Variants in CSMD1 observed in about 807,000 individuals in gnomAD.
CSMD1 encodes the protein CUB and Sushi multiple domains 1.
CSMD1 carries 213 observed loss-of-function variants against 417.5 expected under a neutral mutation model. The ratio of observed to expected loss-of-function variants is 0.51; its 90% CI spans 0.46 to 0.57. CSMD1 has a LOEUF of 0.57. Ranked by LOEUF, CSMD1 falls within the 20% of genes least tolerant of loss-of-function variation. CSMD1 has a pLI of 0.00. For missense variants in CSMD1, 6,923 were observed against 4,529.7 expected, an observed-to-expected ratio of 1.53 and a Z score of -15.17; for synonymous variants, 2,862 against 1,736.8, an observed-to-expected ratio of 1.65 and a Z score of -16.11.
intron 1 of CSMD1, among the ~76,000 whole-genome samples, chr8:4,900,828 C>T (rs559912863): frequency 1.2e-4 from 19 of 152,222 alleles, no homozygotes; most frequent in South Asian, 4.1e-4. Flanking sequence ...TGAATTCTCA[C>T]GGCTCTAATT....
intron 1 of CSMD1, among the ~76,000 whole-genome samples, chr8:4,696,217 C>A (rs1050286933): frequency 6.6e-6 from 1 of 152,152 alleles, no homozygotes; most frequent in African/African-American, 2.4e-5. Context: ...TATTTTCAGT[C>A]TATGGACATG....
At chr8:4,205,263 C>A (rs1799909513) in intron 3 of CSMD1, among the ~76,000 whole-genome samples, 1 of 152,136 alleles carries the variant, frequency 6.6e-6, no homozygotes, top group Non-Finnish European at 1.5e-5. Flanking sequence ...CATATTTTTG[C>A]TGCTCATATA....
At chr8:4,944,066 T>A (rs567273191) in intron 1 of CSMD1, among the ~76,000 whole-genome samples, 8 of 152,278 alleles carry the variant, frequency 5.3e-5, no homozygotes, top group African/African-American at 1.7e-4. Flanking sequence ...AGGAAGATGT[T>A]TGATAGACAG....
intron 2 of CSMD1, among the ~76,000 whole-genome samples, chr8:4,429,376 C>A (rs367655643): frequency 6.6e-6 from 1 of 152,110 alleles, no homozygotes. Context: ...TACACACACA[C>A]ATCTACATAT....
At chr8:4,549,248 G>C (rs1797760604) in intron 2 of CSMD1, among the ~76,000 whole-genome samples, 1 of 152,066 alleles carries the variant, frequency 6.6e-6, no homozygotes, top group Non-Finnish European at 1.5e-5. Flanking sequence ...CCATATTCCA[G>C]AATGCCAAAG....
intron 11 of CSMD1, among the ~76,000 whole-genome samples, chr8:3,483,050 G>C (rs369226389): frequency 6.6e-6 from 1 of 152,024 alleles, no homozygotes; most frequent in African/African-American, 2.4e-5. Context: ...AATTACTTAA[G>C]TTCCTACCTC....
At chr8:3,437,555 A>G (rs946799418) in intron 12 of CSMD1, among the ~76,000 whole-genome samples, 1 of 152,202 alleles carries the variant, frequency 6.6e-6, no homozygotes, top group African/African-American at 2.4e-5. Context: ...GTATCCAGGG[A>G]AAAACTGGAC....
intron 1 of CSMD1, among the ~76,000 whole-genome samples, chr8:4,947,618 T>C (rs992334838): frequency 6.6e-6 from 1 of 152,124 alleles, no homozygotes; most frequent in East Asian, 1.9e-4. Context: ...ACTTACGGCA[T>C]TCTTCTTCCT....
intron 3 of CSMD1, among the ~76,000 whole-genome samples, chr8:4,340,177 T>A (rs1800394953): frequency 6.6e-6 from 1 of 152,138 alleles, no homozygotes; most frequent in African/African-American, 2.4e-5. Context: ...ACCTTTTTTT[T>A]CTGATCCAAA....
At chr8:4,992,468 G>T (rs1811522801) in intron 1 of CSMD1, among the ~76,000 whole-genome samples, 1 of 152,218 alleles carries the variant, frequency 6.6e-6, no homozygotes, top group Non-Finnish European at 1.5e-5. Context: ...GCCCAGTTAG[G>T]CTTGGAGTGC....
In CSMD1 at chr8:3,889,487, ATATAT is replaced by A. The variant is rs1563181302; in HGVS notation, c.818+108411_818+108415del. 1.4e-4 allele frequency among the ~76,000 whole-genome samples: 16 copies of A among 111,024 alleles called. 1 individual carries two copies. Among genetic ancestry groups the A allele is most frequent in the Non-Finnish European group, 2.3e-4 (13 of 56,214 alleles). 72.8% of individuals were successfully genotyped at this position (111,024 alleles called of 152,430 possible). A position where few individuals can be genotyped will look rare whatever the true frequency, so the allele number is the denominator to read the frequency against. On this transcript the variant is annotated intron_variant, in intron 5 of 69. Transcript: ENST00000635120. ...TATATATATATATATATATATATATATATATAAAATATGCTCATTAGGTCATGATA... is the reference window on the plus strand; with the variant it reads ...TATATATATATATATATATATATATAAAAATATGCTCATTAGGTCATGATA...
intron 1 of CSMD1, among the ~76,000 whole-genome samples, chr8:4,814,646 T>C (rs1799101036): frequency 6.6e-6 from 1 of 152,168 alleles, no homozygotes; most frequent in African/African-American, 2.4e-5. Flanking sequence ...ATGTGCTGTA[T>C]ACTAGTAGGA....
chr8:4,780,431 G>GTCTT (rs1797094625), intron 1 of CSMD1, among the ~76,000 whole-genome samples: 1 of 152,108 alleles, frequency 6.6e-6, no homozygotes, highest in Non-Finnish European at 1.5e-5. Context: ...CTGTCTGTCT[G>GTCTT]TCTGTCTACC....
chr8:3,990,793 G>T (rs1196247291), intron 5 of CSMD1, among the ~76,000 whole-genome samples: 1 of 152,068 alleles, frequency 6.6e-6, no homozygotes, highest in Non-Finnish European at 1.5e-5. Context: ...GGAAGGAGAG[G>T]GGAGGGCAGG....
chr8:4,613,787 C>G (rs1801318049), intron 2 of CSMD1, among the ~76,000 whole-genome samples: 1 of 150,574 alleles, frequency 6.6e-6, no homozygotes, highest in African/African-American at 2.5e-5. Context: ...TCAAGACCAC[C>G]CAGGGACTGG....
At chr8:4,659,953 G>C (rs116688154) in intron 1 of CSMD1, among the ~76,000 whole-genome samples, 7 of 151,826 alleles carry the variant, frequency 4.6e-5, no homozygotes, top group African/African-American at 1.7e-4. Flanking sequence ...CTGAAAACTA[G>C]GAATGAAGAA....
intron 3 of CSMD1, among the ~76,000 whole-genome samples, chr8:4,220,128 T>G (rs1169705136): frequency 6.6e-6 from 1 of 152,084 alleles, no homozygotes; most frequent in Non-Finnish European, 1.5e-5. Context: ...TTTTTGTATT[T>G]TCAGTAGAGA....
chr8:3,692,614 G>A (rs1585084769), intron 7 of CSMD1, among the ~76,000 whole-genome samples: 3 of 151,936 alleles, frequency 2.0e-5, no homozygotes, highest in African/African-American at 7.3e-5. Context: ...TGTATTTTTC[G>A]TAGAGGTGGG....
intron 26 of CSMD1, among the ~76,000 whole-genome samples, chr8:3,245,983 T>C (rs1373143467): frequency 6.6e-6 from 1 of 152,200 alleles, no homozygotes; most frequent in Non-Finnish European, 1.5e-5. Flanking sequence ...GGAGAGGTTT[T>C]TCTGGGTAGG....
Sources: allele counts gnomAD v4.1 joint callset (sites outside exome capture counted in the v4.1 genomes callset), GRCh38; gene constraint gnomAD v4.1.1; transcripts MANE v1.5; gene names NCBI Gene and HGNC (gene_info 2026-07-23, HGNC 2026-07-21).